Variants in ZNF131 observed in about 807,000 individuals in gnomAD.
ZNF131 encodes the protein zinc finger and BTB domain containing 35.
ZNF131 carries 7 observed loss-of-function variants against 60.0 expected under a neutral mutation model. That is an observed-to-expected ratio of 0.12 (90% CI 0.07 to 0.22). ZNF131 has a LOEUF of 0.22. Among genes scored for constraint, ZNF131 ranks in the 10% least tolerant of loss-of-function variants. The pLI, the probability that ZNF131 is intolerant of heterozygous loss-of-function variation, is 1.00. For synonymous variants in ZNF131, 257 were observed against 253.2 expected, an observed-to-expected ratio of 1.01 and a Z score of -0.14; for missense variants, 493 against 740.9, an observed-to-expected ratio of 0.67 and a Z score of 3.88.
chr5:43,134,982 C>G (rs72750768), intron 3 of ZNF131, among the ~76,000 whole-genome samples: 1 of 150,400 alleles, frequency 6.6e-6, no homozygotes. Context: ...CAGGCATGAG[C>G]CACCGCGCCC....
intron 4 of ZNF131, among the ~76,000 whole-genome samples, chr5:43,156,149 C>G (rs1454090008): frequency 6.6e-6 from 1 of 152,156 alleles, no homozygotes; most frequent in Non-Finnish European, 1.5e-5. Context: ...GAAGCAACAA[C>G]AGTATACATA....
intron 4 of ZNF131, among the ~76,000 whole-genome samples, chr5:43,144,767 A>T (rs1217258148): frequency 6.6e-6 from 1 of 152,074 alleles, no homozygotes; most frequent in Non-Finnish European, 1.5e-5. Flanking sequence ...TGTTTTAAGG[A>T]AGTGGTACAC....
At chr5:43,127,152 G>A (rs1025187108) in intron 3 of ZNF131, among the ~76,000 whole-genome samples, 1 of 152,086 alleles carries the variant, frequency 6.6e-6, no homozygotes, top group Non-Finnish European at 1.5e-5. Flanking sequence ...AGGGTGGAGT[G>A]TGCTTTCTCC....
intron 5 of ZNF131, among the ~76,000 whole-genome samples, chr5:43,163,972 A>G (rs1025347457): frequency 6.6e-6 from 1 of 152,176 alleles, no homozygotes; most frequent in Non-Finnish European, 1.5e-5. Context: ...GTATTCGAGG[A>G]CTGAGTAAAT....
At chr5:43,164,670 G>T (rs143279638) in intron 5 of ZNF131, among the ~76,000 whole-genome samples, 1 of 152,146 alleles carries the variant, frequency 6.6e-6, no homozygotes, top group Non-Finnish European at 1.5e-5. Context: ...GACCACTTTG[G>T]ACATCTTTAA....
chr5:43,149,966 C>T (rs780319179), intron 4 of ZNF131, among the ~76,000 whole-genome samples: 10 of 152,012 alleles, frequency 6.6e-5, no homozygotes, highest in Non-Finnish European at 1.0e-4. Context: ...TCATGGATGC[C>T]GGCAAGAGAC....
chr5:43,154,164 C>T (rs1216873706), intron 4 of ZNF131, among the ~76,000 whole-genome samples: 3 of 152,166 alleles, frequency 2.0e-5, no homozygotes, highest in African/African-American at 7.2e-5. Flanking sequence ...GTAATCCCAG[C>T]ATTTTGGGAG....
chr5:43,124,447 G>C (rs1331146947), intron 3 of ZNF131: 1 of 151,636 alleles, frequency 6.6e-6, no homozygotes, highest in Non-Finnish European at 1.5e-5. Context: ...GGGGAGTAAA[G>C]AAAACAAAAA....
intron 3 of ZNF131, among the ~76,000 whole-genome samples, chr5:43,129,461 G>C (rs1009210067): frequency 2.6e-5 from 4 of 152,046 alleles, no homozygotes; most frequent in Admixed American, 2.6e-4. Flanking sequence ...AAATCTTCTC[G>C]GAGGCCAGAC....
At chr5:43,170,970 A>T (rs1750916932) in intron 5 of ZNF131, among the ~76,000 whole-genome samples, 2 of 149,284 alleles carry the variant, frequency 1.3e-5, no homozygotes, top group African/African-American at 5.0e-5. Context: ...TTTGAGACAG[A>T]GTCTCGCTCT....
chr5:43,135,292 G>A (rs1745930808), intron 3 of ZNF131, among the ~76,000 whole-genome samples: 2 of 151,864 alleles, frequency 1.3e-5, no homozygotes, highest in African/African-American at 4.8e-5. Context: ...ACTGCGCCCG[G>A]CCATCAATTG....
chr5:43,138,254 G>A (rs998011137), intron 3 of ZNF131, among the ~76,000 whole-genome samples: 1 of 152,144 alleles, frequency 6.6e-6, no homozygotes, highest in Non-Finnish European at 1.5e-5. Flanking sequence ...ATGTTAAAAG[G>A]TTTCATTGAA....
rs1205635519 is a variant in ZNF131 at position 43,162,969 on chromosome 5, C to CTTTTTT, written c.1054+1051_1054+1056dup. 9.6e-3 allele frequency among the ~76,000 whole-genome samples: 620 copies of CTTTTTT among 64,824 alleles called. 48 individuals are homozygous for CTTTTTT. The highest frequency in any genetic ancestry group is 0.014 in the Non-Finnish European group (473 of 33,832). 42.5% of individuals were successfully genotyped at this position (64,824 alleles called of 152,430 possible). ...TTTATACTTCTTTTCTTTTATTTGC[C>CTTTTTT]TTTTTTTTTTTTTTTTTTGGCAGAT... On this transcript the variant is annotated intron_variant, in intron 5 of 6. Transcript: ENST00000682664.
At chr5:43,169,219 A>G (rs1471788110) in intron 5 of ZNF131, among the ~76,000 whole-genome samples, 1 of 152,240 alleles carries the variant, frequency 6.6e-6, no homozygotes, top group East Asian at 1.9e-4. Flanking sequence ...AAGGATAAAG[A>G]TACCTACTTT....
At chr5:43,165,533 G>C (rs562977549) in intron 5 of ZNF131, among the ~76,000 whole-genome samples, 4 of 152,336 alleles carry the variant, frequency 2.6e-5, no homozygotes, top group African/African-American at 9.6e-5. Context: ...TCAGTGAGCA[G>C]TAGTATTTTG....
At chr5:43,172,094 C>G (rs1299036235) in intron 5 of ZNF131, among the ~76,000 whole-genome samples, 1 of 152,210 alleles carries the variant, frequency 6.6e-6, no homozygotes, top group Non-Finnish European at 1.5e-5. Flanking sequence ...TTTTCATTGT[C>G]ATCCTTCTCA....
chr5:43,170,418 C>G (rs1158840944), intron 5 of ZNF131, among the ~76,000 whole-genome samples: 1 of 152,178 alleles, frequency 6.6e-6, no homozygotes, highest in Non-Finnish European at 1.5e-5. Flanking sequence ...ATCCTGGAAT[C>G]ATTCAGTTAT....
At chr5:43,143,454 C>G in intron 4 of ZNF131, 1 of 1,364,526 alleles carries the variant, frequency 7.3e-7, no homozygotes. Context: ...TCATCTTCAA[C>G]TACACGCTGT....
At chr5:43,162,607 AAAAG>A (rs1579875252) in intron 5 of ZNF131, among the ~76,000 whole-genome samples, 3 of 107,220 alleles carry the variant, frequency 2.8e-5, no homozygotes, top group Non-Finnish European at 6.3e-5. Flanking sequence ...AAAAAAAAAG[AAAAG>A]AAAAAAAAGC....
Sources: allele counts gnomAD v4.1 joint callset (sites outside exome capture counted in the v4.1 genomes callset), GRCh38; gene constraint gnomAD v4.1.1; transcripts MANE v1.5; gene names NCBI Gene and HGNC (gene_info 2026-07-23, HGNC 2026-07-21).